Variants in ZPBP observed in about 807,000 individuals in gnomAD.
ZPBP encodes the protein zona pellucida-binding protein 1.
A neutral mutation model predicts 44.8 loss-of-function variants in ZPBP; 26 were observed. The observed-to-expected ratio is 0.58, with a 90% confidence interval of 0.43 to 0.81. The LOEUF is 0.81. Among genes scored for constraint, ZPBP ranks in the 30% least tolerant of loss-of-function variants. The pLI is 0.00. For missense variants in ZPBP, 409 were observed against 434.0 expected, an observed-to-expected ratio of 0.94 and a Z score of 0.51; for synonymous variants, 174 against 153.2, an observed-to-expected ratio of 1.14 and a Z score of -1.00.
At chr7:49,859,963 T>C (rs151327453) in intron 2 of ZPBP, among the ~76,000 whole-genome samples, 39 of 151,808 alleles carry the variant, frequency 2.6e-4, no homozygotes, top group African/African-American at 9.4e-4. Flanking sequence ...TGTTTACTTA[T>C]GTATAAATAT....
chr7:49,987,763 T>C (rs1797371204), intron 6 of ZPBP, among the ~76,000 whole-genome samples: 1 of 128,038 alleles, frequency 7.8e-6, no homozygotes, highest in African/African-American at 2.8e-5. Context: ...TGTGTGTGTG[T>C]GTGTGTGTGC....
chr7:50,016,760 G>A (rs1177443253), intron 6 of ZPBP, among the ~76,000 whole-genome samples: 3 of 152,004 alleles, frequency 2.0e-5, no homozygotes, highest in African/African-American at 4.8e-5. Context: ...AGATGTTTTA[G>A]GTAATAACTG....
intron 5 of ZPBP, among the ~76,000 whole-genome samples, chr7:50,029,397 T>C (rs1222918236): frequency 6.6e-6 from 1 of 152,178 alleles, no homozygotes; most frequent in African/African-American, 2.4e-5. Flanking sequence ...TAAATCTTGA[T>C]GACCTCAGAT....
At chr7:49,880,673 G>A (rs573385207) in intron 2 of ZPBP, among the ~76,000 whole-genome samples, 1 of 151,994 alleles carries the variant, frequency 6.6e-6, no homozygotes, top group East Asian at 1.9e-4. Flanking sequence ...CACACACCGG[G>A]GCCTGTTGTG....
rs1212059326 is a variant in ZPBP at position 49,980,034 on chromosome 7, AT to A, written c.961+3307del. On this transcript the variant is annotated intron_variant, in intron 7 of 7. Transcript: ENST00000046087. ...ATATTATAATATAATTTTATATTAT[AT>A]TATAATATATATAATATAATTTTAT... is the stretch of plus-strand genomic sequence containing the variant. 4.0e-4 allele frequency among the ~76,000 whole-genome samples: 4 copies of A among 10,116 alleles called. No homozygotes were observed. In the South Asian group the frequency reaches 6.8e-3, roughly 17 times the overall value. 6.6% of individuals were successfully genotyped at this position (10,116 alleles called of 152,430 possible). A position where few individuals can be genotyped will look rare whatever the true frequency, so the allele number is the denominator to read the frequency against.
intron 7 of ZPBP, among the ~76,000 whole-genome samples, chr7:49,969,660 C>G (rs1269390466): frequency 6.6e-6 from 1 of 151,856 alleles, no homozygotes; most frequent in African/African-American, 2.4e-5. Flanking sequence ...TTCAGCCAAT[C>G]TCTCATAAAC....
chr7:50,079,138 C>T (rs1211347774), intron 3 of ZPBP, among the ~76,000 whole-genome samples: 12 of 151,306 alleles, frequency 7.9e-5, no homozygotes, highest in African/African-American at 2.9e-4. Flanking sequence ...TTTAAAAATC[C>T]AATGTTGGAC....
At chr7:49,898,203 T>C (rs1305113152) in intron 2 of ZPBP, among the ~76,000 whole-genome samples, 4 of 152,088 alleles carry the variant, frequency 2.6e-5, no homozygotes, top group Non-Finnish European at 5.9e-5. Context: ...TATATATGTA[T>C]GCTTTATATA....
In ZPBP at chr7:49,990,370, C is replaced by T. The variant is rs10249807; in HGVS notation, c.784-6851G>A. ...TTGACACCCATGGAAAGCACCCTGT[C>T]GTAGTCACCAGACTCAGGGATACAA... On this transcript the variant is annotated intron_variant, in intron 6 of 7. Coordinates refer to ENST00000046087, the MANE Select transcript of ZPBP (RefSeq NM_007009.3). Among the ~76,000 whole-genome samples, 835 of 152,262 alleles carry T rather than the reference C, an allele frequency of 5.5e-3. 9 individuals carry two copies. Among genetic ancestry groups the T allele is most frequent in the African/African-American group, 0.019 (787 of 41,558 alleles).
At chr7:49,897,273 C>G (rs1792436657) in intron 2 of ZPBP, among the ~76,000 whole-genome samples, 1 of 152,140 alleles carries the variant, frequency 6.6e-6, no homozygotes, top group African/African-American at 2.4e-5. Flanking sequence ...ATCCTTAAAT[C>G]TCATCCAATA....
At chr7:49,917,536 G>C (rs1369307133) in intron 1 of ZPBP, 1 of 152,100 alleles carries the variant, frequency 6.6e-6, no homozygotes, top group East Asian at 1.9e-4. Context: ...CTATTATATA[G>C]GCACAGAATT....
chr7:49,872,915 CAAAAAA>C (rs61473396), intron 2 of ZPBP, among the ~76,000 whole-genome samples: 8 of 33,948 alleles, frequency 2.4e-4, no homozygotes, highest in African/African-American at 7.2e-4. Flanking sequence ...GACTTTGTCT[CAAAAAA>C]AAAAAAAAAA....
chr7:49,891,388 G>C (rs1191512129), intron 2 of ZPBP, among the ~76,000 whole-genome samples: 4 of 152,126 alleles, frequency 2.6e-5, no homozygotes, highest in Admixed American at 2.0e-4. Context: ...AATTATAATT[G>C]GAAGTTTTAT....
At chr7:49,886,265 G>A (rs550346958) in intron 2 of ZPBP, among the ~76,000 whole-genome samples, 1 of 152,172 alleles carries the variant, frequency 6.6e-6, no homozygotes, top group East Asian at 1.9e-4. Context: ...ATCACTTTTA[G>A]TAAAAGTCCT....
At chr7:50,013,248 G>C (rs1359401484) in intron 6 of ZPBP, among the ~76,000 whole-genome samples, 3 of 151,710 alleles carry the variant, frequency 2.0e-5, no homozygotes, top group African/African-American at 7.3e-5. Flanking sequence ...AATGTCACTT[G>C]ATGTATGAAG....
chr7:50,018,946 A>T (rs1314287638), intron 5 of ZPBP, among the ~76,000 whole-genome samples: 1 of 152,042 alleles, frequency 6.6e-6, no homozygotes, highest in Non-Finnish European at 1.5e-5. Flanking sequence ...AGCAATGTAG[A>T]AATGAGTACT....
chr7:50,030,345 G>GAA (rs1799548067), intron 5 of ZPBP, among the ~76,000 whole-genome samples: 2 of 152,012 alleles, frequency 1.3e-5, no homozygotes, highest in Non-Finnish European at 2.9e-5. Flanking sequence ...ATAAAAGACA[G>GAA]AAAATGAGGC....
chr7:50,070,150 G>C (rs1188428713), intron 3 of ZPBP, among the ~76,000 whole-genome samples: 2 of 152,092 alleles, frequency 1.3e-5, no homozygotes, highest in Non-Finnish European at 2.9e-5. Context: ...ATCCTGGGTA[G>C]GTTCACACAC....
At chr7:49,861,017 G>A (rs1466155127) in intron 2 of ZPBP, among the ~76,000 whole-genome samples, 14 of 152,160 alleles carry the variant, frequency 9.2e-5, no homozygotes, top group Non-Finnish European at 1.9e-4. Flanking sequence ...GGTAGCTCTA[G>A]GGAACTAAGA....
Sources: allele counts gnomAD v4.1 joint callset (sites outside exome capture counted in the v4.1 genomes callset), GRCh38; gene constraint gnomAD v4.1.1; transcripts MANE v1.5; gene names NCBI Gene and HGNC (gene_info 2026-07-23, HGNC 2026-07-21).